The following LMTK2 variants were observed in gnomAD, a reference collection of about 807,000 sequenced individuals.
LMTK2 encodes lemur tail kinase 2, also known as serine/threonine-protein kinase LMTK2.
A neutral mutation model predicts 127.5 loss-of-function variants in LMTK2; 37 were observed. The observed-to-expected ratio is 0.29, with a 90% CI of 0.22 to 0.38. The LOEUF (loss-of-function observed/expected upper bound fraction) is 0.38. Ranked by LOEUF, LMTK2 falls within the 10% of genes least tolerant of loss-of-function variation. The probability of loss-of-function intolerance (pLI) is 1.00; values close to 1 mark genes in which losing one functional copy is unlikely to be tolerated. For synonymous variants in LMTK2, 819 were observed against 810.1 expected, an observed-to-expected ratio of 1.01 and a Z score of -0.19; for missense variants, 1,694 against 1,920.3, an observed-to-expected ratio of 0.88 and a Z score of 2.20.
intron 8 of LMTK2, 108 bp from the exon 9 acceptor site, chr7:98,186,769 G>C: frequency 1.0e-6 from 1 of 980,684 alleles, no homozygotes; most frequent in South Asian, 1.8e-5. Flanking sequence ...TTTCTGACCT[G>C]GTTTTTGGAT....
chr7:98,185,146 G>A lies in LMTK2; in HGVS notation c.876+11G>A, dbSNP rs1159708608. The A allele has an allele frequency of 4.5e-6, 7 of 1,570,836 alleles. No individual in the cohort carries two copies. The Admixed American group carries it at 1.0e-4, about 23-fold the overall frequency. ...TTCAGCAGGTACAAGGTAAGCCAGA[G>A]GTTTAAATGTTTTCAGTCTGATTTA... On this transcript the variant is annotated intron_variant, in intron 8 of 13. Coordinates refer to ENST00000297293, the MANE Select transcript of LMTK2 (RefSeq NM_014916.4).
chr7:98,198,534 TGTA>T (rs1460258294), intron 11 of LMTK2, among the ~76,000 whole-genome samples: 2 of 152,122 alleles, frequency 1.3e-5, no homozygotes, highest in Non-Finnish European at 2.9e-5. Context: ...TCGCCCAGGC[TGTA>T]GTAGTGCAGT....
At chr7:98,156,757 A>G (rs1478378538) in intron 5 of LMTK2, among the ~76,000 whole-genome samples, 3 of 152,206 alleles carry the variant, frequency 2.0e-5, no homozygotes, top group Non-Finnish European at 4.4e-5. Flanking sequence ...GAGGCTGGAA[A>G]GTCTAGAGTC....
At chr7:98,140,158 T>TTTG in intron 2 of LMTK2, among the ~76,000 whole-genome samples, 1 of 3,626 alleles carries the variant, frequency 2.8e-4, no homozygotes, top group South Asian at 0.019. Context: ...TTTTCTTTTC[T>TTTG]TTTCTTTTCT....
intron 8 of LMTK2, among the ~76,000 whole-genome samples, chr7:98,185,728 C>T (rs1797423112): frequency 1.3e-5 from 2 of 148,904 alleles, no homozygotes; most frequent in South Asian, 2.2e-4. Context: ...TTTTCTTTTC[C>T]TTTCTTTTTT....
chr7:98,137,455 G>A lies in LMTK2; in HGVS notation c.231+13G>A, dbSNP rs1210180101. The A allele has an allele frequency of 9.4e-6, 15 of 1,600,674 alleles. No individual in the cohort carries two copies. The highest frequency in any genetic ancestry group is 1.3e-5 in the Non-Finnish European group (15 of 1,175,660). ...AATAGACTTTAAGGTGAGCACAGAG[G>A]GTAGGAACATTTAAAATGGTCTTCC... On this transcript the variant is annotated intron_variant, in intron 2 of 13. Coordinates refer to ENST00000297293, the MANE Select transcript of LMTK2 (RefSeq NM_014916.4).
intron 1 of LMTK2, among the ~76,000 whole-genome samples, chr7:98,116,190 G>A (rs753886282): frequency 2.6e-5 from 4 of 152,098 alleles, no homozygotes; most frequent in Admixed American, 6.5e-5. Context: ...CACAGTGTCC[G>A]GCCTACATCA....
intron 3 of LMTK2, among the ~76,000 whole-genome samples, chr7:98,150,026 G>A (rs1419087001): frequency 2.0e-5 from 3 of 152,124 alleles, no homozygotes; most frequent in African/African-American, 4.8e-5. Context: ...AGTGAAAAGG[G>A]ACTTGATATC....
intron 6 of LMTK2, among the ~76,000 whole-genome samples, chr7:98,160,104 G>A (rs1285498496): frequency 2.0e-5 from 3 of 151,986 alleles, no homozygotes; most frequent in South Asian, 2.1e-4. Context: ...CCCATTTTTA[G>A]CATGTAATTG....
chr7:98,154,345 T>C lies in LMTK2; in HGVS notation c.451-413T>C, dbSNP rs909439327. On this transcript the variant is annotated intron_variant, in intron 4 of 13. Transcript: ENST00000297293. ...TCGTCAGTTTACTTTCTCATATGTA[T>C]AGCAGACTAAATAACAAAACTTAGT... Among the ~76,000 whole-genome samples, 39 of 152,236 alleles carry C rather than the reference T, an allele frequency of 2.6e-4. 1 individual carries two copies.
chr7:98,119,401 A>C (rs1379430974), intron 1 of LMTK2, among the ~76,000 whole-genome samples: 3 of 152,220 alleles, frequency 2.0e-5, no homozygotes, highest in Non-Finnish European at 4.4e-5. Context: ...GAGCTCACTC[A>C]TCCTGAGCAC....
intron 6 of LMTK2, among the ~76,000 whole-genome samples, chr7:98,163,104 A>G (rs984432747): frequency 7.0e-6 from 1 of 143,610 alleles, no homozygotes; most frequent in Admixed American, 6.9e-5. Context: ...GAAAGTAGAA[A>G]GGTGGGTGCC....
intron 8 of LMTK2, among the ~76,000 whole-genome samples, chr7:98,185,815 G>T (rs1047568990): frequency 4.0e-5 from 6 of 151,606 alleles, no homozygotes; most frequent in African/African-American, 1.5e-4. Context: ...GCCTGCCTTG[G>T]CCTCCCAGAG....
rs1797825388 is a variant in LMTK2, at chr7:98,207,481, C to T, written c.*1989C>T. The T allele has an allele frequency of 6.6e-6, 1 of 151,314 alleles. No homozygotes were observed. The highest frequency in any genetic ancestry group is 2.4e-5 in the African/African-American group (1 of 41,140). 9.4% of individuals were successfully genotyped at this position (151,314 alleles called of 1,614,324 possible). A position where few individuals can be genotyped will look rare whatever the true frequency, so the allele number is the denominator to read the frequency against. ...GTGCCCACCTGGGCTATGTGGGGAGCACCACTGTCTCGGGATGCGCGAATT... is the reference window on the plus strand; with the variant it reads ...GTGCCCACCTGGGCTATGTGGGGAGTACCACTGTCTCGGGATGCGCGAATT... On this transcript the variant is annotated 3_prime_UTR_variant, in exon 14 of 14. Coordinates refer to ENST00000297293, the MANE Select transcript of LMTK2 (RefSeq NM_014916.4).
rs1332962901 is a variant in LMTK2, at chr7:98,204,117, T to C, written c.4414T>C (p.Ser1472Pro). 6.2e-7 allele frequency: 1 copy of C among 1,612,550 alleles called. No homozygotes were observed. Among genetic ancestry groups the C allele is most frequent in the South Asian group, 1.1e-5 (1 of 91,084 alleles). ...GCACTCGGCGCCTTACTCCCGGTTC[T>C]CCATCTCTCCCGCCAACATTGCCAG... ...WPHSAPYSRF[S>P]ISPANIASFS... The change falls in exon 13 of 14, where the codon TCC (serine) becomes CCC (proline). Residue 1472 changes from serine to proline, a missense_variant. Transcript: ENST00000297293.
At position 98,159,299 on chromosome 7, in the gene LMTK2, C is replaced by A. The variant is rs368071533; in HGVS notation, c.570-39C>A. On this transcript the variant is annotated intron_variant, in intron 5 of 13. Transcript: ENST00000297293. ...TTGTTTGAATAATGTTATTATCATGCTTCCTGATGAACAATATTATGGCTT... is the reference window on the plus strand; with the variant it reads ...TTGTTTGAATAATGTTATTATCATGATTCCTGATGAACAATATTATGGCTT... 2.5e-5 allele frequency: 33 copies of A among 1,299,718 alleles called. No individual in the cohort carries two copies. The African/African-American group carries it at 4.5e-4, about 18-fold the overall frequency. 80.5% of individuals were successfully genotyped at this position (1,299,718 alleles called of 1,614,324 possible). A position where few individuals can be genotyped will look rare whatever the true frequency, so the allele number is the denominator to read the frequency against.
At chr7:98,109,479 C>T (rs1292709147) in intron 1 of LMTK2, among the ~76,000 whole-genome samples, 1 of 152,094 alleles carries the variant, frequency 6.6e-6, no homozygotes, top group Non-Finnish European at 1.5e-5. Context: ...AGCAGTGGAT[C>T]ACACCTGTAA....
chr7:98,151,418 A>G lies in LMTK2; in HGVS notation c.413A>G (p.Asn138Ser). 1 of 1,614,002 alleles carries G rather than the reference A, an allele frequency of 6.2e-7. No individual in the cohort carries two copies. The highest frequency in any genetic ancestry group is 1.6e-4 in the Middle Eastern group (1 of 6,062). The stretch of plus-strand genomic sequence containing the variant: ...TCTCAAGTTGCCCGCCACAGTCTAA[A>G]CTACATACAGGAAATTGGAAATGGC... ...LKSQVARHSL[N>S]YIQEIGNGWF... The change falls in exon 4 of 14, where the codon AAC becomes AGC. Residue 138 changes from asparagine (N) to serine (S), a missense_variant. Coordinates refer to ENST00000297293, the MANE Select transcript of LMTK2 (RefSeq NM_014916.4).
At chr7:98,122,429 A>G (rs933710560) in intron 1 of LMTK2, among the ~76,000 whole-genome samples, 4 of 152,108 alleles carry the variant, frequency 2.6e-5, no homozygotes, top group Non-Finnish European at 5.9e-5. Context: ...TCATTGGCGG[A>G]TATTTTGTAT....
Sources: gnomAD v4.1 joint callset for allele counts (sites outside exome capture counted in the v4.1 genomes callset) on GRCh38, gnomAD v4.1.1 for gene constraint, MANE v1.5 for transcripts, NCBI Gene and HGNC (gene_info 2026-07-23, HGNC 2026-07-21) for gene names.